DOCK3: variants seen among roughly 807,000 people sequenced by gnomAD.
The protein encoded by DOCK3 is dedicator of cytokinesis 3.
A neutral mutation model predicts 265.6 loss-of-function variants in DOCK3; 60 were observed. The ratio of observed to expected loss-of-function variants is 0.23; its 90% CI spans 0.18 to 0.28. The LOEUF is 0.28. Ranked by LOEUF, DOCK3 falls within the 10% of genes least tolerant of loss-of-function variation. DOCK3 has a pLI of 1.00. For missense variants in DOCK3, 1,981 were observed against 2,594.3 expected (o/e 0.76, Z 5.14); for synonymous variants, 881 against 938.0 (o/e 0.94, Z 1.11).
At chr3:50,909,923 ATTCT>A (rs1277231771) in intron 4 of DOCK3, among the ~76,000 whole-genome samples, 3 of 151,686 alleles carry the variant, frequency 2.0e-5, no homozygotes, top group Non-Finnish European at 2.9e-5. Flanking sequence ...ATTCCTTTTC[ATTCT>A]TTCTTCTCTA....
At chr3:51,239,575 T>G (rs13099095) in intron 21 of DOCK3, among the ~76,000 whole-genome samples, 26,793 of 146,750 alleles carry the variant, frequency 0.18, 2,644 homozygotes, top group Middle Eastern at 0.23. Flanking sequence ...TGTTTGTTTG[T>G]TTTTTGTTTT....
intron 5 of DOCK3, among the ~76,000 whole-genome samples, chr3:51,009,552 T>G (rs1203622232): frequency 5.0e-4 from 76 of 152,184 alleles, no homozygotes; most frequent in Non-Finnish European, 1.0e-4. Context: ...ATTTTGTTGA[T>G]CTTTTCAAAA....
intron 5 of DOCK3, among the ~76,000 whole-genome samples, chr3:51,015,245 T>G (rs2079105781): frequency 6.6e-6 from 1 of 152,100 alleles, no homozygotes; most frequent in African/African-American, 2.4e-5. Context: ...TTTTCCTCAT[T>G]CAGTATGATA....
At chr3:51,033,202 G>C (rs964195205) in intron 5 of DOCK3, among the ~76,000 whole-genome samples, 3 of 152,164 alleles carry the variant, frequency 2.0e-5, no homozygotes, top group African/African-American at 7.2e-5. Context: ...ATGAGCAAGA[G>C]CATTGTCATA....
At chr3:50,776,949 G>A (rs557125727) in intron 1 of DOCK3, among the ~76,000 whole-genome samples, 2 of 152,296 alleles carry the variant, frequency 1.3e-5, no homozygotes, top group East Asian at 3.9e-4. Flanking sequence ...CACAATCATA[G>A]TGGAAGATAA....
At chr3:51,202,209 A>G (rs995892781) in intron 12 of DOCK3, among the ~76,000 whole-genome samples, 4 of 138,980 alleles carry the variant, frequency 2.9e-5, no homozygotes, top group African/African-American at 5.5e-5. Flanking sequence ...AAACCCTTCA[A>G]AAAATTAATG....
At chr3:50,719,360 C>G (rs2037334981) in intron 1 of DOCK3, 2 of 367,728 alleles carry the variant, frequency 5.4e-6, no homozygotes, top group Admixed American at 7.9e-5. Context: ...ATATGGAACC[C>G]AAAGACCTGC....
chr3:51,272,411 G>T (rs1307627722), intron 24 of DOCK3, among the ~76,000 whole-genome samples: 2 of 150,918 alleles, frequency 1.3e-5, no homozygotes, highest in Admixed American at 1.3e-4. Context: ...CAAGTAGTTG[G>T]GACTACAGGC....
intron 2 of DOCK3, among the ~76,000 whole-genome samples, chr3:50,792,122 A>ATTT (rs34021915): frequency 7.0e-6 from 1 of 142,722 alleles, no homozygotes; most frequent in African/African-American, 2.6e-5. Context: ...GTCATCTCTG[A>ATTT]TTTTTTTTTT....
chr3:50,861,411 G>A (rs971852927), intron 3 of DOCK3, among the ~76,000 whole-genome samples: 1 of 152,190 alleles, frequency 6.6e-6, no homozygotes, highest in Admixed American at 6.6e-5. Flanking sequence ...TTCTGTGGTA[G>A]TTGCTTGGAG....
At chr3:51,280,446 G>T (rs1032766267) in intron 27 of DOCK3, among the ~76,000 whole-genome samples, 9 of 152,166 alleles carry the variant, frequency 5.9e-5, no homozygotes, top group Non-Finnish European at 1.0e-4. Flanking sequence ...CTGTGATCAT[G>T]TGCCTCTATT....
intron 5 of DOCK3, among the ~76,000 whole-genome samples, chr3:51,013,080 C>A (rs758693448): frequency 1.3e-5 from 2 of 152,156 alleles, no homozygotes; most frequent in Non-Finnish European, 2.9e-5. Context: ...AGCTTCCTTG[C>A]AATGGGTTCG....
Position 50,848,679 on chromosome 3 carries a change from C to T in DOCK3, c.162+6964C>T, listed in dbSNP as rs371782504. Among the ~76,000 whole-genome samples, 47 of 152,274 alleles carry T rather than the reference C, an allele frequency of 3.1e-4. 6 individuals carry two copies. The highest frequency in any genetic ancestry group is 2.0e-3 in the Admixed American group (30 of 15,296). ...CCACTGTTATCTTGATGGGGTTCCC[C>T]ATTGTATGCGGTCTGATGTTTTACC... On this transcript the variant is annotated intron_variant, in intron 3 of 52. Coordinates refer to ENST00000266037, the MANE Select transcript of DOCK3 (RefSeq NM_004947.5).
intron 9 of DOCK3, among the ~76,000 whole-genome samples, chr3:51,142,344 A>G (rs2085102102): frequency 6.6e-6 from 1 of 152,206 alleles, no homozygotes; most frequent in Admixed American, 6.5e-5. Flanking sequence ...CAGTCAAGAA[A>G]TAGAACATTT....
At chr3:51,236,622 A>G (rs148384920) in intron 20 of DOCK3, among the ~76,000 whole-genome samples, 194 bp downstream of exon 20, 142 of 152,300 alleles carry the variant, frequency 9.3e-4, no homozygotes, top group African/African-American at 3.3e-3. Flanking sequence ...ATCCAACACA[A>G]TCAAGTCCAG....
At chr3:50,978,513 C>T (rs1191949323) in intron 5 of DOCK3, among the ~76,000 whole-genome samples, 4 of 152,182 alleles carry the variant, frequency 2.6e-5, no homozygotes, top group Admixed American at 1.3e-4. Flanking sequence ...CTCAGATCTC[C>T]AGCTGCGTAC....
At chr3:50,949,313 C>G (rs2076529217) in intron 5 of DOCK3, among the ~76,000 whole-genome samples, 1 of 151,916 alleles carries the variant, frequency 6.6e-6, no homozygotes, top group African/African-American at 2.4e-5. Flanking sequence ...AATTCAATAA[C>G]AAAACAACCC....
Position 51,007,383 on chromosome 3 carries a change from A to C in DOCK3, c.316-57065A>C, listed in dbSNP as rs565976093. Among the ~76,000 whole-genome samples the C allele has an allele frequency of 1.5e-4, 23 of 152,274 alleles. No homozygotes were observed. The East Asian group carries it at 4.1e-3, about 27-fold the overall frequency. On this transcript the variant is annotated intron_variant, in intron 5 of 52. Transcript: ENST00000266037. Reference sequence around the variant, plus strand: ...ATTTCTCTGATGGCCAGTGATGATGAGCATTTTTTCATGTGTCTGTTGGCT... The same window carrying C: ...ATTTCTCTGATGGCCAGTGATGATGCGCATTTTTTCATGTGTCTGTTGGCT...
At chr3:51,032,922 TA>T (rs1016878176) in intron 5 of DOCK3, among the ~76,000 whole-genome samples, 1 of 152,056 alleles carries the variant, frequency 6.6e-6, no homozygotes, top group African/African-American at 2.4e-5. Flanking sequence ...AAAAATAAAA[TA>T]AAAATATAAA....
Sources: gnomAD v4.1 joint callset for allele counts (sites outside exome capture counted in the v4.1 genomes callset) on GRCh38, gnomAD v4.1.1 for gene constraint, MANE v1.5 for transcripts, NCBI Gene and HGNC (gene_info 2026-07-23, HGNC 2026-07-21) for gene names.